Variants in PRSS23 observed in about 807,000 individuals in gnomAD.
PRSS23 encodes protease, serine 23.
PRSS23 carries 25 observed loss-of-function variants against 34.7 expected under a neutral mutation model. The observed-to-expected ratio is 0.72, with a 90% confidence interval of 0.53 to 1.01. The LOEUF (loss-of-function observed/expected upper bound fraction) is 1.01. Ranked by LOEUF, PRSS23 falls within the 50% of genes least tolerant of loss-of-function variation. The pLI is 0.00. For missense variants in PRSS23, 445 were observed against 475.6 expected (o/e 0.94, Z 0.60); for synonymous variants, 176 against 186.6 (o/e 0.94, Z 0.46).
chr11:86,879,416 T>C (rs1014068997), intron 2 of PRSS23, among the ~76,000 whole-genome samples: 2 of 149,144 alleles, frequency 1.3e-5, no homozygotes. Context: ...GTGAGGAGTG[T>C]CTCTGCCTGG....
chr11:86,795,684 A>C (rs1947976222), upstream of PRSS23, among the ~76,000 whole-genome samples: 1 of 152,154 alleles, frequency 6.6e-6, no homozygotes, highest in African/African-American at 2.4e-5. Context: ...ACACATTTAG[A>C]ATGCCCCACC....
Position 86,808,791 on chromosome 11 carries a change from G to A in PRSS23, c.1148G>A (p.Gly383Glu), listed in dbSNP as rs1322640989. Reference protein sequence around the residue: ...IKGNYLDCREG With the variant: ...IKGNYLDCREE The stretch of plus-strand genomic sequence containing the variant: ...GGAAACTACCTGGATTGTAGGGAGG[G>A]GTGACACAGTGTTCCCTCCTGGCAG... Residue 383 changes from glycine to glutamate, a missense_variant, in exon 2 of 2, where the codon GGG (glycine) becomes GAG (glutamate). Gly to Glu is a moderately conservative substitution (Grantham distance 98, BLOSUM62 -2). Transcript: ENST00000280258. The A allele has an allele frequency of 4.4e-6, 7 of 1,602,422 alleles. No individual in the cohort carries two copies. Among genetic ancestry groups the A allele is most frequent in the East Asian group, 2.2e-5 (1 of 44,680 alleles).
At chr11:86,900,627 C>A (rs1590920444) in intron 2 of PRSS23, among the ~76,000 whole-genome samples, 1 of 152,096 alleles carries the variant, frequency 6.6e-6, no homozygotes, top group Admixed American at 6.6e-5. Flanking sequence ...GACTATGTCA[C>A]ACCTGTGTTT....
chr11:86,881,534 A>G (rs528544993), intron 2 of PRSS23, among the ~76,000 whole-genome samples: 46 of 152,274 alleles, frequency 3.0e-4, no homozygotes, highest in Admixed American at 1.0e-3. Flanking sequence ...ACCTACATTC[A>G]TAAGAGATAC....
At chr11:86,825,830 A>G (rs1948295962) in intron 2 of PRSS23, among the ~76,000 whole-genome samples, 1 of 150,142 alleles carries the variant, frequency 6.7e-6, no homozygotes, top group Non-Finnish European at 1.5e-5. Context: ...GTTCTGTTCC[A>G]TTGATCTATA....
upstream of PRSS23, among the ~76,000 whole-genome samples, chr11:86,796,363 CG>C (rs1336236700): frequency 6.6e-6 from 1 of 152,100 alleles, no homozygotes; most frequent in Non-Finnish European, 1.5e-5. Flanking sequence ...ACACATAGGC[CG>C]GGCGCGGTGG....
At chr11:86,837,017 A>G (rs1033934936) in intron 2 of PRSS23, 11 of 152,234 alleles carry the variant, frequency 7.2e-5, no homozygotes, top group African/African-American at 1.9e-4. Flanking sequence ...GTTTTGTGTT[A>G]TTCACTTCTT....
chr11:86,832,858 C>T (rs1948370791), intron 2 of PRSS23: 1 of 313,880 alleles, frequency 3.2e-6, no homozygotes, highest in South Asian at 2.9e-5. Context: ...CAAGGAAATA[C>T]ATGACTATGT....
chr11:86,914,090 G>A (rs1450738184), intron 2 of PRSS23, among the ~76,000 whole-genome samples: 1 of 151,306 alleles, frequency 6.6e-6, no homozygotes, highest in Non-Finnish European at 1.5e-5. Flanking sequence ...CACAGACGTG[G>A]TGGCGTGTGC....
intron 2 of PRSS23, among the ~76,000 whole-genome samples, chr11:86,912,869 T>A (rs1948986809): frequency 6.6e-6 from 1 of 152,204 alleles, no homozygotes; most frequent in African/African-American, 2.4e-5. Context: ...TGATATGTTG[T>A]AAGGACTCTG....
At position 86,794,623 on chromosome 11, in the gene PRSS23, T is replaced by G. The variant is rs1392823745; in HGVS notation, c.-14+3428T>G. 2.0e-5 allele frequency among the ~76,000 whole-genome samples: 3 copies of G among 152,298 alleles called. No homozygotes were observed. In the East Asian group the frequency reaches 5.8e-4, roughly 29 times the overall value. On this transcript the variant is annotated intron_variant, in intron 1 of 1. Coordinates refer to the PRSS23 transcript ENST00000527521. The stretch of plus-strand genomic sequence containing the variant: ...TTCACATATTTACATTTAGAGTGCC[T>G]GACTACCTATGTTTCCAAAGACTTA...
intron 1 of PRSS23, among the ~76,000 whole-genome samples, chr11:86,792,061 C>A (rs1450337514): frequency 6.6e-6 from 1 of 152,156 alleles, no homozygotes; most frequent in Non-Finnish European, 1.5e-5. Flanking sequence ...AGCAGGCTTT[C>A]CCAATGTGCT....
rs947991331 is a variant in PRSS23 at position 86,810,435 on chromosome 11, C to T, written c.*1640C>T. The stretch of plus-strand genomic sequence containing the variant: ...TACAACCACAGTGCTTTCTTCAAAT[C>T]ATATGAGAAATACTATGCATAGCAA... On this transcript the variant is annotated 3_prime_UTR_variant, in exon 2 of 2. Transcript: ENST00000280258. 9.0e-5 allele frequency: 15 copies of T among 167,030 alleles called. No homozygotes were observed. Among genetic ancestry groups the T allele is most frequent in the Non-Finnish European group, 1.5e-4 (10 of 68,120 alleles). The allele number at this position is 167,030 out of a possible 1,614,324, so 10.3% of individuals were successfully genotyped here. A position where few individuals can be genotyped will look rare whatever the true frequency, so the allele number is the denominator to read the frequency against.
chr11:86,932,520 A>G (rs1317585491), intron 2 of PRSS23, among the ~76,000 whole-genome samples: 2 of 151,942 alleles, frequency 1.3e-5, no homozygotes, highest in Non-Finnish European at 2.9e-5. Context: ...ACAGGTTTGG[A>G]GAAACAGCTG....
intron 2 of PRSS23, among the ~76,000 whole-genome samples, chr11:86,918,696 T>C (rs1255768063): frequency 6.6e-6 from 1 of 152,232 alleles, no homozygotes; most frequent in Non-Finnish European, 1.5e-5. Context: ...GCCGAGGACA[T>C]ATACCAGGTG....
At chr11:86,935,737 A>C (rs1565391500) in intron 2 of PRSS23, 1 of 152,122 alleles carries the variant, frequency 6.6e-6, no homozygotes, top group Admixed American at 6.6e-5. Context: ...TAACTTACCC[A>C]AGCTCACATC....
chr11:86,848,942 G>C lies in PRSS23; in HGVS notation c.206+25349G>C, dbSNP rs775023637. Among the ~76,000 whole-genome samples the C allele has an allele frequency of 4.2e-4, 64 of 152,154 alleles. 1 individual carries two copies. The highest frequency in any genetic ancestry group is 1.4e-3 in the Admixed American group (21 of 15,272). ...CACTTTAAAAAAGATTGTCCAACTAGAAACAAACTGCCCCCTCGCCCATGT... is the reference window on the plus strand; with the variant it reads ...CACTTTAAAAAAGATTGTCCAACTACAAACAAACTGCCCCCTCGCCCATGT... On this transcript the variant is annotated intron_variant, in intron 2 of 2. Transcript: ENST00000533902.
chr11:86,820,184 G>T (rs564791751), intron 1 of PRSS23, among the ~76,000 whole-genome samples: 75 of 152,246 alleles, frequency 4.9e-4, no homozygotes, highest in African/African-American at 1.8e-3. Context: ...TTAAATGAAA[G>T]ATTAATTACT....
At chr11:86,828,245 G>A (rs1246726706) in intron 2 of PRSS23, among the ~76,000 whole-genome samples, 7 of 152,112 alleles carry the variant, frequency 4.6e-5, no homozygotes, top group South Asian at 4.2e-4. Context: ...TTACTATTAC[G>A]TAATGGCCTT....
Sources: allele counts gnomAD v4.1 joint callset (sites outside exome capture counted in the v4.1 genomes callset), GRCh38; gene constraint gnomAD v4.1.1; transcripts MANE v1.5; gene names NCBI Gene and HGNC (gene_info 2026-07-23, HGNC 2026-07-21).